Variants in IFIH1 observed in about 807,000 individuals in gnomAD.
The protein encoded by IFIH1 is interferon induced with helicase C domain 1, also known as interferon-induced helicase C domain-containing protein 1.
Under a neutral mutation model 107.4 loss-of-function variants are expected in IFIH1, and 125 were observed. The observed-to-expected ratio is 1.16, with a 90% CI of 1.01 to 1.35. IFIH1 has a LOEUF of 1.35. IFIH1 is among the 40% of genes most tolerant of loss of function. The pLI is 0.00. For missense variants in IFIH1, 1,333 were observed against 1,213.7 expected, an observed-to-expected ratio of 1.10 and a Z score of -1.46; for synonymous variants, 458 against 413.2, an observed-to-expected ratio of 1.11 and a Z score of -1.31.
chr2:162,306,682 A>G, intron 3 of IFIH1, 27 bp downstream of exon 3: 1 of 1,605,734 alleles, frequency 6.2e-7, no homozygotes, highest in South Asian at 1.1e-5. Flanking sequence ...TAATTACTGT[A>G]TTAAAGTACG....
chr2:162,298,736 A>G (rs966631733), intron 3 of IFIH1, among the ~76,000 whole-genome samples: 11 of 151,922 alleles, frequency 7.2e-5, no homozygotes, highest in Admixed American at 5.2e-4. Context: ...GAAATAGATC[A>G]CTTTTATTTT....
intron 3 of IFIH1, among the ~76,000 whole-genome samples, chr2:162,300,462 G>A (rs998448376): frequency 1.4e-4 from 22 of 152,216 alleles, no homozygotes; most frequent in Admixed American, 2.6e-4. Flanking sequence ...AGGTATGAAT[G>A]GTAATCCTCC....
intron 11 of IFIH1, 140 bp downstream of exon 11, chr2:162,276,547 G>A: frequency 1.4e-5 from 13 of 916,776 alleles, no homozygotes; most frequent in Middle Eastern, 2.5e-4. Flanking sequence ...CAAGGGTGCA[G>A]TGAATCTTGA....
At chr2:162,271,648 T>C (rs1461455870) in intron 13 of IFIH1, among the ~76,000 whole-genome samples, 1 of 152,206 alleles carries the variant, frequency 6.6e-6, no homozygotes, top group Non-Finnish European at 1.5e-5. Flanking sequence ...AACAAGAAAG[T>C]ATCCATCTAG....
chr2:162,295,358 C>T (rs529951264), intron 3 of IFIH1, among the ~76,000 whole-genome samples: 3 of 152,012 alleles, frequency 2.0e-5, no homozygotes, highest in Admixed American at 6.6e-5. Flanking sequence ...GATTCATCTA[C>T]GTTGTTGTGT....
In IFIH1 at chr2:162,267,260, T is replaced by C. The variant is rs1267655367; in HGVS notation, c.3018A>G (p.Leu1006=). The change falls in exon 16 of 16, where the codon TTA becomes TTG. Residue 1006 remains leucine (L), a synonymous_variant. Coordinates refer to ENST00000649979, the MANE Select transcript of IFIH1 (RefSeq NM_022168.4). ...AGTCAAGATTGGGAAATGTGATAGG[T>C]AATTCTACCCACTTTTTGTATTGTT... ...TKKQYKKWVE[L]PITFPNLDYS... 1 of 1,611,548 alleles carries C rather than the reference T, an allele frequency of 6.2e-7. No individual in the cohort carries two copies. The highest frequency in any genetic ancestry group is 8.5e-7 in the Non-Finnish European group (1 of 1,179,326).
intron 3 of IFIH1, among the ~76,000 whole-genome samples, chr2:162,301,242 T>C (rs1683188501): frequency 6.6e-6 from 1 of 152,178 alleles, no homozygotes; most frequent in Admixed American, 6.5e-5. Flanking sequence ...TGAACGAATA[T>C]ATAAATCAAA....
intron 13 of IFIH1, among the ~76,000 whole-genome samples, chr2:162,270,446 A>G (rs1691013455): frequency 6.6e-6 from 1 of 152,220 alleles, no homozygotes; most frequent in Non-Finnish European, 1.5e-5. Context: ...ACATCTTCCC[A>G]GTAGCAATGT....
At chr2:162,310,690 G>T in intron 2 of IFIH1, 75 bp downstream of exon 2, 2 of 1,245,234 alleles carry the variant, frequency 1.6e-6, no homozygotes, top group Non-Finnish European at 1.2e-6. Flanking sequence ...GTTTAGCATT[G>T]TGTCTTTCTG....
chr2:162,288,723 C>T (rs1288724754), intron 4 of IFIH1, among the ~76,000 whole-genome samples: 1 of 151,874 alleles, frequency 6.6e-6, no homozygotes, highest in African/African-American at 2.4e-5. Flanking sequence ...CTTCCCATTT[C>T]TTTGTGGAGC....
chr2:162,303,316 A>G (rs1280406171), intron 3 of IFIH1, among the ~76,000 whole-genome samples: 2 of 152,132 alleles, frequency 1.3e-5, no homozygotes, highest in African/African-American at 4.8e-5. Context: ...GGGCTTCACC[A>G]TGGTGGTCAG....
intron 4 of IFIH1, among the ~76,000 whole-genome samples, chr2:162,289,979 C>T (rs1020722379): frequency 1.2e-4 from 18 of 151,894 alleles, no homozygotes; most frequent in Non-Finnish European, 2.4e-4. Flanking sequence ...CTTTCATAGA[C>T]TATCAAAACC....
rs1420774743 is a variant in IFIH1, at chr2:162,303,214, A to C, written c.769+3495T>G. Among the ~76,000 whole-genome samples the C allele has an allele frequency of 1.3e-5, 2 of 152,004 alleles. 1 individual carries two copies. The highest frequency in any genetic ancestry group is 2.9e-5 in the Non-Finnish European group (2 of 68,012). ...ACTGCAACCTCTGCCTCTTGGGTTC[A>C]AGTGATTCCCCTGCCTCAGCCTTCC... On this transcript the variant is annotated intron_variant, in intron 3 of 15. Transcript: ENST00000649979.
At chr2:162,272,455 G>GA in intron 12 of IFIH1, 68 bp from the exon 13 acceptor site, 1 of 1,344,728 alleles carries the variant, frequency 7.4e-7, no homozygotes, top group Non-Finnish European at 1.0e-6. Flanking sequence ...GGTTTTTTCT[G>GA]GGAATGATAT....
rs1683501522 is a variant in IFIH1, at chr2:162,317,016, G to GTGT, written c.453+838_453+839insACA. Reference sequence around the variant, plus strand: ...GTTGAAACTTTGATTAAAGAAAAAGGGTGTGTGTGTGTGTGTGTGTGTGTG... The same window carrying GTGT: ...GTTGAAACTTTGATTAAAGAAAAAGGTGTGTGTGTGTGTGTGTGTGTGTGTGTG... On this transcript the variant is annotated intron_variant, in intron 1 of 15. Coordinates refer to ENST00000649979, the MANE Select transcript of IFIH1 (RefSeq NM_022168.4). Among the ~76,000 whole-genome samples, 4 of 144,024 alleles carry GTGT rather than the reference G, an allele frequency of 2.8e-5. No homozygotes were observed. The South Asian group carries it at 8.9e-4, about 32-fold the overall frequency. 94.5% of individuals were successfully genotyped at this position (144,024 alleles called of 152,430 possible).
rs1403659640 is a variant in IFIH1 at position 162,267,090 on chromosome 2, A to G, written c.*110T>C. On this transcript the variant is annotated 3_prime_UTR_variant, in exon 16 of 16. Transcript: ENST00000649979. ...TAAAAAGAGTTCAATGCAGAGTAAA[A>G]CAATCATTTTATTGATTCTTATGTC... 7.1e-6 allele frequency: 6 copies of G among 846,694 alleles called. No individual in the cohort carries two copies. Among genetic ancestry groups the G allele is most frequent in the South Asian group, 1.8e-5 (1 of 55,072 alleles). The allele number at this position is 846,694 out of a possible 1,614,324, so 52.4% of individuals were successfully genotyped here. A position where few individuals can be genotyped will look rare whatever the true frequency, so the allele number is the denominator to read the frequency against.
intron 11 of IFIH1, among the ~76,000 whole-genome samples, chr2:162,275,024 T>C (rs138084429): frequency 2.0e-5 from 3 of 152,140 alleles, no homozygotes; most frequent in Non-Finnish European, 2.9e-5. Context: ...AAAACTTACA[T>C]GTTCTTGGAT....
intron 7 of IFIH1, among the ~76,000 whole-genome samples, chr2:162,280,863 T>G (rs1483736504): frequency 6.6e-6 from 1 of 152,052 alleles, no homozygotes; most frequent in Non-Finnish European, 1.5e-5. Flanking sequence ...GACAAGCTCA[T>G]CTTTAAAGAT....
At chr2:162,290,408 C>T (rs1313821952) in intron 4 of IFIH1, among the ~76,000 whole-genome samples, 1 of 151,746 alleles carries the variant, frequency 6.6e-6, no homozygotes. Flanking sequence ...ATTAATATTA[C>T]TCATGCATTC....
Sources: gnomAD v4.1 joint callset for allele counts (sites outside exome capture counted in the v4.1 genomes callset) on GRCh38, gnomAD v4.1.1 for gene constraint, MANE v1.5 for transcripts, NCBI Gene and HGNC (gene_info 2026-07-23, HGNC 2026-07-21) for gene names.